Variants in CBX7 observed in about 807,000 individuals in gnomAD.
The protein encoded by CBX7 is chromobox protein homolog 7.
Under a neutral mutation model 31.4 loss-of-function variants are expected in CBX7, and 14 were observed. That is an observed-to-expected ratio of 0.45 (90% CI 0.29 to 0.70). The LOEUF is 0.70. Ranked by LOEUF, CBX7 falls within the 30% of genes least tolerant of loss-of-function variation. The pLI, the probability that CBX7 is intolerant of heterozygous loss-of-function variation, is 0.11. For missense variants in CBX7, 269 were observed against 351.9 expected (o/e 0.76, Z 1.89); for synonymous variants, 159 against 152.6 (o/e 1.04, Z -0.31).
At chr22:39,138,451 A>C (rs1952425819) in intron 4 of CBX7, among the ~76,000 whole-genome samples, 185 bp downstream of exon 4, 1 of 152,170 alleles carries the variant, frequency 6.6e-6, no homozygotes, top group Non-Finnish European at 1.5e-5. Flanking sequence ...CACCAGCCCC[A>C]CACGCAGGCT....
At chr22:39,141,903 C>T (rs1481601717) in intron 2 of CBX7, among the ~76,000 whole-genome samples, 1 of 152,208 alleles carries the variant, frequency 6.6e-6, no homozygotes, top group African/African-American at 2.4e-5. Flanking sequence ...CCTGGGCCTC[C>T]TGAGGGCTCC....
chr22:39,143,060 C>G (rs1480389173), intron 2 of CBX7, among the ~76,000 whole-genome samples: 4 of 152,118 alleles, frequency 2.6e-5, no homozygotes. Flanking sequence ...TTGAGACAAG[C>G]CTGGCCAACG....
At chr22:39,138,432 T>A (rs1394582562) in intron 4 of CBX7, among the ~76,000 whole-genome samples, 2 of 152,190 alleles carry the variant, frequency 1.3e-5, no homozygotes, top group Non-Finnish European at 2.9e-5. Context: ...CCAGGCTGTC[T>A]TCCCCGGGCA....
intron 2 of CBX7, chr22:39,149,266 G>A (rs1348251400): frequency 6.5e-6 from 1 of 154,682 alleles, no homozygotes; most frequent in East Asian, 1.9e-4. Flanking sequence ...CCCTCTCTGA[G>A]CCTGTTTCCT....
At position 39,134,459 on chromosome 22, in the gene CBX7, TG is replaced by T; in HGVS notation, c.539del (p.Pro180GlnfsTer41). ...ACTCGCCAGCCGCCTGCAGGACGTC[TG>T]GGGCCGGTGGCTCCTGCAGGAAGAG... is the stretch of plus-strand genomic sequence containing the variant. ...RELFLQEPPA[P>X]DVLQAAGEWE... On this transcript the variant is annotated frameshift_variant, in exon 5 of 6. Transcript: ENST00000216133. LOFTEE classifies it high-confidence loss of function. The T allele has an allele frequency of 1.2e-6, 2 of 1,607,768 alleles. No homozygotes were observed.
chr22:39,134,907 C>T (rs951180178), intron 4 of CBX7, 155 bp from the exon 5 acceptor site: 4 of 605,816 alleles, frequency 6.6e-6, no homozygotes, highest in African/African-American at 5.6e-5. Context: ...CCCCACCCCA[C>T]CCCAGCCCAG....
rs758671114 is a variant in CBX7 at position 39,137,771 on chromosome 22, C to T, written c.246+865G>A. Among the ~76,000 whole-genome samples, 5 of 152,252 alleles carry T rather than the reference C, an allele frequency of 3.3e-5. No individual in the cohort carries two copies. The South Asian group carries it at 6.2e-4, about 19-fold the overall frequency. ...CCCAAGACCTACGACGTGGGTACTC[C>T]GGGATGCTGCAGAGACTTGGGTCCC... On this transcript the variant is annotated intron_variant, in intron 4 of 5. Transcript: ENST00000216133.
intron 3 of CBX7, among the ~76,000 whole-genome samples, chr22:39,139,824 G>C (rs1569108374): frequency 6.6e-6 from 1 of 151,882 alleles, no homozygotes; most frequent in Non-Finnish European, 1.5e-5. Context: ...CAACTATTCA[G>C]GAGGCTGAGG....
In CBX7 at chr22:39,133,984, G is replaced by A. The variant is rs1333938654; in HGVS notation, c.663C>T (p.Thr221=). 9 of 1,613,668 alleles carry A rather than the reference G, an allele frequency of 5.6e-6. No homozygotes were observed. Among genetic ancestry groups the A allele is most frequent in the African/African-American group, 1.3e-5 (1 of 74,904 alleles). ...TGGAGTTGGCGGTGATGTCGGTCAC[G>A]GTCACCTCACTTGAGGGGAGCGCAG... The part of the protein sequence containing the change: ...WTPALPSSEV[T]VTDITANSIT... Residue 221 remains threonine (T), a synonymous_variant, in exon 6 of 6, where the codon ACC becomes ACT. Transcript: ENST00000216133.
Position 39,152,480 on chromosome 22 carries a change from G to A in CBX7, c.-36C>T, listed in dbSNP as rs543092844. The A allele has an allele frequency of 5.1e-6, 5 of 977,166 alleles. No individual in the cohort carries two copies. Among genetic ancestry groups the A allele is most frequent in the South Asian group, 9.3e-5 (2 of 21,442 alleles). 60.5% of individuals were successfully genotyped at this position (977,166 alleles called of 1,614,324 possible). ...GGGCGAGCGGGCCCGGGGCCGGGCC[G>A]GGCCGGGGGCGGAGCTGCGGGGCCG... On this transcript the variant is annotated 5_prime_UTR_variant, in exon 1 of 6. Coordinates refer to ENST00000216133, the MANE Select transcript of CBX7 (RefSeq NM_175709.5). The surrounding 1 kb of genome is among the most constrained non-coding windows in gnomAD (Gnocchi z 4.9).
intron 3 of CBX7, among the ~76,000 whole-genome samples, chr22:39,140,956 C>A (rs577462461): frequency 1.3e-5 from 2 of 152,194 alleles, no homozygotes; most frequent in Non-Finnish European, 2.9e-5. Context: ...CTAGAGACAC[C>A]GTCTCTGATC....
At chr22:39,145,391 C>T (rs982272401) in intron 2 of CBX7, among the ~76,000 whole-genome samples, 1 of 152,170 alleles carries the variant, frequency 6.6e-6, no homozygotes, top group Non-Finnish European at 1.5e-5. Context: ...GTGGGCGCCG[C>T]GGATCGAAGG....
intron 2 of CBX7, 33 bp downstream of exon 2, chr22:39,149,756 G>C: frequency 6.2e-7 from 1 of 1,606,044 alleles, no homozygotes; most frequent in Non-Finnish European, 8.5e-7. Context: ...TCGGTAGGCA[G>C]ACAGACAGAC....
intron 2 of CBX7, among the ~76,000 whole-genome samples, chr22:39,142,130 C>A (rs1037139264): frequency 1.3e-5 from 2 of 152,202 alleles, no homozygotes; most frequent in Non-Finnish European, 2.9e-5. Flanking sequence ...GCTAGCTGTG[C>A]GACCTTGAGC....
rs1296809290 is a variant in CBX7, at chr22:39,131,495, C to G, written c.*2396G>C. On this transcript the variant is annotated 3_prime_UTR_variant, in exon 6 of 6. Transcript: ENST00000216133. ...TGTCCTGGAGGATGGTCCTAACGGC[C>G]CACAGCCTTTTCCCCCAGGGAGCTG... 6.6e-6 allele frequency: 1 copy of G among 152,640 alleles called. No homozygotes were observed. Among genetic ancestry groups the G allele is most frequent in the Non-Finnish European group, 1.5e-5 (1 of 68,136 alleles). The allele number at this position is 152,640 out of a possible 1,614,324, so 9.5% of individuals were successfully genotyped here.
chr22:39,147,231 T>G (rs950720065), intron 2 of CBX7: 1 of 151,742 alleles, frequency 6.6e-6, no homozygotes, highest in African/African-American at 2.4e-5. Flanking sequence ...GCCTGGCTAA[T>G]TTTTTATGCT....
Position 39,134,693 on chromosome 22 carries a change from G to A in CBX7, c.306C>T (p.Cys102=). ...SHKAKGKEKL[C]FSLTCPLGSG... ...TGCCGAGTGGGCACGTCAGGGAGAA[G>A]CAGAGCTTCTCCTTGCCCTTGGCCT... The change falls in exon 5 of 6, where the codon TGC becomes TGT. Residue 102 remains cysteine (C), a synonymous_variant. Coordinates refer to ENST00000216133, the MANE Select transcript of CBX7 (RefSeq NM_175709.5). 6.3e-7 allele frequency: 1 copy of A among 1,583,522 alleles called. No individual in the cohort carries two copies. The highest frequency in any genetic ancestry group is 1.1e-5 in the South Asian group (1 of 87,362).
chr22:39,134,009 G>C lies in CBX7; in HGVS notation c.638C>G (p.Pro213Arg), dbSNP rs1196779356. 17 of 1,611,534 alleles carry C rather than the reference G, an allele frequency of 1.1e-5. No individual in the cohort carries two copies. The highest frequency in any genetic ancestry group is 1.4e-5 in the Non-Finnish European group (17 of 1,178,370). Reference sequence around the variant, plus strand: ...GGTCACCTCACTTGAGGGGAGCGCAGGTGTCCAGGGAGGGGGCCCCTCGGC... The same window carrying C: ...GGTCACCTCACTTGAGGGGAGCGCACGTGTCCAGGGAGGGGGCCCCTCGGC... ...DLAEGPPPWT[P>R]ALPSSEVTVT... Residue 213 changes from proline to arginine, a missense_variant, in exon 6 of 6, where the codon CCT becomes CGT. Transcript: ENST00000216133.
chr22:39,148,387 C>T (rs1930734612), intron 2 of CBX7: 1 of 152,226 alleles, frequency 6.6e-6, no homozygotes, highest in South Asian at 2.1e-4. Flanking sequence ...AGTGGAGTCT[C>T]CAGAGGAGGA....
Sources: allele counts gnomAD v4.1 joint callset (sites outside exome capture counted in the v4.1 genomes callset), GRCh38; gene constraint gnomAD v4.1.1; non-coding constraint Gnocchi (gnomAD v3.1); transcripts MANE v1.5; gene names NCBI Gene and HGNC (gene_info 2026-07-23, HGNC 2026-07-21).